Variants in MRPL48 observed in about 807,000 individuals in gnomAD.
MRPL48 encodes mitochondrial ribosomal protein L48, also known as large ribosomal subunit protein mL48.
MRPL48 carries 16 observed loss-of-function variants against 32.9 expected under a neutral mutation model. The ratio of observed to expected loss-of-function variants is 0.49; its 90% CI spans 0.33 to 0.74. The LOEUF (loss-of-function observed/expected upper bound fraction) is 0.74, where lower values mean the gene tolerates loss of function less well. Among genes scored for constraint, MRPL48 ranks in the 30% least tolerant of loss-of-function variants. MRPL48 has a pLI of 0.02. For synonymous variants in MRPL48, 94 were observed against 89.2 expected (o/e 1.05, Z -0.31); for missense variants, 206 against 245.3 (o/e 0.84, Z 1.07).
chr11:73,828,475 C>T (rs1947939781), intron 4 of MRPL48, among the ~76,000 whole-genome samples: 1 of 152,108 alleles, frequency 6.6e-6, no homozygotes, highest in South Asian at 2.1e-4. Flanking sequence ...ATACACCTGC[C>T]TCAGCCTCCC....
At chr11:73,861,675 G>T (rs1460541676) in intron 6 of MRPL48, among the ~76,000 whole-genome samples, 2 of 152,138 alleles carry the variant, frequency 1.3e-5, no homozygotes, top group East Asian at 1.9e-4. Flanking sequence ...GGCCAATGGA[G>T]CTAGTTTTAA....
chr11:73,845,708 T>C (rs1948275512), intron 5 of MRPL48, among the ~76,000 whole-genome samples: 1 of 152,144 alleles, frequency 6.6e-6, no homozygotes, highest in Non-Finnish European at 1.5e-5. Context: ...AGGTGGAGAC[T>C]GCAGTGAGCT....
rs917430983 is a variant in MRPL48 at position 73,808,220 on chromosome 11, T to A, written c.75-93T>A. ...AGAAGGAGTAAGGAAACAGCATTGA[T>A]GCATCTTTAGTGATAGAATATAAAT... is the stretch of plus-strand genomic sequence containing the variant. On this transcript the variant is annotated intron_variant, in intron 2 of 7. Coordinates refer to ENST00000310614, the MANE Select transcript of MRPL48 (RefSeq NM_016055.6). 5.1e-5 allele frequency: 62 copies of A among 1,222,396 alleles called. No homozygotes were observed. The Middle Eastern group carries it at 9.5e-4, about 19-fold the overall frequency. 75.7% of individuals were successfully genotyped at this position (1,222,396 alleles called of 1,614,324 possible). A position where few individuals can be genotyped will look rare whatever the true frequency, so the allele number is the denominator to read the frequency against.
At chr11:73,830,796 G>T (rs1175529754) in intron 4 of MRPL48, among the ~76,000 whole-genome samples, 2 of 151,962 alleles carry the variant, frequency 1.3e-5, no homozygotes, top group African/African-American at 2.4e-5. Flanking sequence ...AAGGAAGGGG[G>T]TATCTACTTC....
intron 3 of MRPL48, among the ~76,000 whole-genome samples, chr11:73,810,715 AC>A (rs1271639820): frequency 7.2e-6 from 1 of 138,096 alleles, no homozygotes; most frequent in Non-Finnish European, 1.6e-5. Flanking sequence ...CTAGCCCCCC[AC>A]CCCCCGAGAG....
At chr11:73,825,871 A>T in intron 4 of MRPL48, 75 bp downstream of exon 4, 1 of 1,234,784 alleles carries the variant, frequency 8.1e-7, no homozygotes, top group South Asian at 1.4e-5. Context: ...AGATATGTAT[A>T]GTTTTGATAA....
intron 4 of MRPL48, among the ~76,000 whole-genome samples, chr11:73,828,868 T>C (rs1274145158): frequency 1.3e-5 from 2 of 152,030 alleles, no homozygotes; most frequent in African/African-American, 4.8e-5. Context: ...GGCAGTTACT[T>C]CCCAAAATAT....
chr11:73,838,589 A>G (rs1328289739), intron 4 of MRPL48, among the ~76,000 whole-genome samples: 1 of 152,206 alleles, frequency 6.6e-6, no homozygotes, highest in Non-Finnish European at 1.5e-5. Flanking sequence ...TGACTTCAGC[A>G]TTCTAGACAG....
intron 4 of MRPL48, among the ~76,000 whole-genome samples, chr11:73,837,226 G>A (rs1379683040): frequency 3.3e-5 from 5 of 152,158 alleles, no homozygotes; most frequent in Admixed American, 1.3e-4. Flanking sequence ...CACTTATAGC[G>A]ATGGGTAGAT....
intron 1 of MRPL48, among the ~76,000 whole-genome samples, chr11:73,800,523 G>A (rs1345154159): frequency 6.6e-6 from 1 of 152,000 alleles, no homozygotes; most frequent in Admixed American, 6.6e-5. Context: ...CTTGGTTCCT[G>A]GCTCATGGGA....
chr11:73,848,089 G>A (rs933532378), intron 5 of MRPL48, among the ~76,000 whole-genome samples: 4 of 151,680 alleles, frequency 2.6e-5, no homozygotes, highest in Admixed American at 1.3e-4. Context: ...ATTTTCCTAT[G>A]TTTTCTCCTA....
intron 1 of MRPL48, among the ~76,000 whole-genome samples, chr11:73,794,007 T>C (rs956056404): frequency 1.5e-4 from 22 of 150,646 alleles, no homozygotes; most frequent in Non-Finnish European, 2.4e-4. Context: ...ACGCCCGGCC[T>C]GAAACCTTGT....
At chr11:73,835,138 G>GCC (rs1948073116) in intron 4 of MRPL48, among the ~76,000 whole-genome samples, 1 of 92,746 alleles carries the variant, frequency 1.1e-5, no homozygotes, top group African/African-American at 4.9e-5. Flanking sequence ...CAGCCATGTT[G>GCC]TCTTTTTTTT....
intron 6 of MRPL48, chr11:73,860,215 T>C: frequency 2.1e-6 from 1 of 477,678 alleles, no homozygotes; most frequent in Admixed American, 3.5e-5. Context: ...TGATCATCAT[T>C]TAATACTGAT....
intron 3 of MRPL48, among the ~76,000 whole-genome samples, chr11:73,816,528 C>T (rs745557117): frequency 6.6e-5 from 10 of 151,928 alleles, no homozygotes; most frequent in Non-Finnish European, 1.3e-4. Context: ...AGCAATGGCA[C>T]GATCTTGGCC....
chr11:73,807,990 G>A (rs751891123), intron 2 of MRPL48, among the ~76,000 whole-genome samples: 1 of 152,162 alleles, frequency 6.6e-6, no homozygotes, highest in Non-Finnish European at 1.5e-5. Context: ...TCCCTAGTAG[G>A]AGTGACCATA....
chr11:73,827,237 A>G (rs1489859375), intron 4 of MRPL48, among the ~76,000 whole-genome samples: 1 of 151,700 alleles, frequency 6.6e-6, no homozygotes, highest in African/African-American at 2.4e-5. Context: ...TACAAAAATT[A>G]GCTGGGTATG....
intron 3 of MRPL48, among the ~76,000 whole-genome samples, chr11:73,814,554 G>C (rs182494900): frequency 6.3e-4 from 96 of 151,960 alleles, no homozygotes; most frequent in African/African-American, 2.2e-3. Context: ...AATTAGCCAG[G>C]CATGGTGATG....
At chr11:73,850,892 G>A (rs936342334) in intron 5 of MRPL48, 2 of 245,862 alleles carry the variant, frequency 8.1e-6, no homozygotes, top group South Asian at 4.8e-5. Context: ...TAGCCAGGAT[G>A]GTCTCGATCT....
Sources: gnomAD v4.1 joint callset for allele counts (sites outside exome capture counted in the v4.1 genomes callset) on GRCh38, gnomAD v4.1.1 for gene constraint, MANE v1.5 for transcripts, NCBI Gene and HGNC (gene_info 2026-07-23, HGNC 2026-07-21) for gene names.